The following GABBR2 variants were observed in gnomAD, a reference collection of about 807,000 sequenced individuals.
The protein encoded by GABBR2 is G-protein coupled receptor 51.
Under a neutral mutation model 105.6 loss-of-function variants are expected in GABBR2, and 23 were observed. The observed-to-expected ratio is 0.22, with a 90% CI of 0.16 to 0.31. The LOEUF (loss-of-function observed/expected upper bound fraction) is 0.31. GABBR2 is among the 10% of genes least tolerant of loss of function. The pLI is 1.00. For missense variants in GABBR2, 734 were observed against 1,245.5 expected, an observed-to-expected ratio of 0.59 and a Z score of 6.18; for synonymous variants, 478 against 499.7, an observed-to-expected ratio of 0.96 and a Z score of 0.58.
intron 1 of GABBR2, among the ~76,000 whole-genome samples, chr9:98,675,076 T>G (rs1278986959): frequency 6.6e-6 from 1 of 152,116 alleles, no homozygotes; most frequent in Non-Finnish European, 1.5e-5. Context: ...TTAGAGGGTC[T>G]AGGGAAGAGG....
intron 16 of GABBR2, among the ~76,000 whole-genome samples, chr9:98,302,482 G>A (rs1037131797): frequency 6.6e-6 from 1 of 152,180 alleles, no homozygotes; most frequent in African/African-American, 2.4e-5. Flanking sequence ...TAGGTAAAAG[G>A]GAAATAAACA....
At chr9:98,396,477 C>T (rs780222918) in intron 8 of GABBR2, among the ~76,000 whole-genome samples, 1 of 152,190 alleles carries the variant, frequency 6.6e-6, no homozygotes, top group Non-Finnish European at 1.5e-5. Flanking sequence ...GTGGTGGAAA[C>T]AGGGGCTGTA....
chr9:98,505,921 C>A (rs1030717843), intron 3 of GABBR2, among the ~76,000 whole-genome samples: 1 of 152,124 alleles, frequency 6.6e-6, no homozygotes. Context: ...CGATTTGTTT[C>A]GGCAGCCACA....
intron 3 of GABBR2, among the ~76,000 whole-genome samples, chr9:98,514,538 C>G (rs1016837589): frequency 2.7e-5 from 4 of 150,232 alleles, no homozygotes; most frequent in African/African-American, 7.4e-5. Context: ...TCTCAGCAAA[C>G]TATCGCAAGG....
chr9:98,456,805 A>G (rs1826332496), intron 6 of GABBR2, among the ~76,000 whole-genome samples: 1 of 152,244 alleles, frequency 6.6e-6, no homozygotes, highest in Non-Finnish European at 1.5e-5. Flanking sequence ...TTAAGAAAAA[A>G]GTATTCTTTT....
chr9:98,478,108 G>A (rs1475643316), intron 5 of GABBR2, among the ~76,000 whole-genome samples: 1 of 152,202 alleles, frequency 6.6e-6, no homozygotes, highest in African/African-American at 2.4e-5. Context: ...ATTTGCCACA[G>A]GGCTATAAAT....
chr9:98,385,457 T>C (rs949603452), intron 11 of GABBR2, among the ~76,000 whole-genome samples, 183 bp downstream of exon 11: 8 of 152,160 alleles, frequency 5.3e-5, no homozygotes, highest in Non-Finnish European at 1.2e-4. Context: ...GTGGTATTTA[T>C]ACCCAGTGAT....
intron 8 of GABBR2, among the ~76,000 whole-genome samples, chr9:98,400,062 G>A (rs183955553): frequency 2.1e-4 from 32 of 150,902 alleles, no homozygotes; most frequent in Admixed American, 4.0e-4. Flanking sequence ...GTGCACGCCT[G>A]TAGTTCAGCT....
chr9:98,579,938 G>T (rs538617753), intron 1 of GABBR2, among the ~76,000 whole-genome samples: 47 of 152,120 alleles, frequency 3.1e-4, no homozygotes, highest in South Asian at 2.1e-3. Context: ...TGACCCTTAG[G>T]CAGGACTGTT....
chr9:98,611,906 C>T (rs148845881), intron 1 of GABBR2, among the ~76,000 whole-genome samples: 60 of 152,348 alleles, frequency 3.9e-4, no homozygotes, highest in Non-Finnish European at 1.6e-4. Flanking sequence ...GTGAGTTCAT[C>T]TCACAACACA....
At chr9:98,661,859 C>A (rs1450784633) in intron 1 of GABBR2, among the ~76,000 whole-genome samples, 1 of 152,178 alleles carries the variant, frequency 6.6e-6, no homozygotes, top group Non-Finnish European at 1.5e-5. Context: ...TAGGCCCCGT[C>A]CCTCAGAGCA....
In GABBR2 at chr9:98,290,681, A is replaced by C; in HGVS notation, c.2729T>G (p.Val910Gly). Residue 910 changes from valine to glycine, a missense_variant, in exon 19 of 19, where the codon GTG becomes GGG. By Grantham distance (109) the Val-to-Gly change is moderately radical. This residue lies in a region of GABBR2 where 134 missense variants were observed against 171.2 expected (regional missense o/e 0.78). Transcript: ENST00000259455. The part of the protein sequence containing the change: ...HHAYLPSIGG[V>G]DASCVSPCVS... ...GCAGGGGCTGACACAGCTGGCGTCC[A>C]CGCCTCCGATGGATGGGAGGTAGGC... is the stretch of plus-strand genomic sequence containing the variant. 1 of 1,478,564 alleles carries C rather than the reference A, an allele frequency of 6.8e-7. No individual in the cohort carries two copies. Among genetic ancestry groups the C allele is most frequent in the South Asian group, 1.5e-5 (1 of 66,824 alleles). The allele number at this position is 1,478,564 out of a possible 1,614,324, so 91.6% of individuals were successfully genotyped here. A position where few individuals can be genotyped will look rare whatever the true frequency, so the allele number is the denominator to read the frequency against.
chr9:98,694,778 A>G (rs575493201), intron 1 of GABBR2, among the ~76,000 whole-genome samples: 1 of 152,316 alleles, frequency 6.6e-6, no homozygotes, highest in East Asian at 1.9e-4. Context: ...TAATAACTCT[A>G]TGAAAAAGCA....
intron 7 of GABBR2, among the ~76,000 whole-genome samples, chr9:98,442,888 C>A (rs1170878821): frequency 1.3e-5 from 2 of 152,190 alleles, no homozygotes; most frequent in Non-Finnish European, 2.9e-5. Flanking sequence ...TTCAAATCTC[C>A]CCTTTTTATA....
intron 1 of GABBR2, among the ~76,000 whole-genome samples, chr9:98,632,813 T>C (rs559455370): frequency 3.9e-5 from 6 of 152,316 alleles, no homozygotes; most frequent in Admixed American, 1.3e-4. Context: ...AAATGGTTGC[T>C]TTTACCACTA....
At chr9:98,552,713 T>C (rs2131750898) in intron 2 of GABBR2, among the ~76,000 whole-genome samples, 1 of 152,296 alleles carries the variant, frequency 6.6e-6, no homozygotes, top group South Asian at 2.1e-4. Context: ...TGGGGTATCG[T>C]GCATAGACTG....
At chr9:98,310,759 C>T (rs1037784038) in intron 14 of GABBR2, among the ~76,000 whole-genome samples, 1 of 152,182 alleles carries the variant, frequency 6.6e-6, no homozygotes, top group Non-Finnish European at 1.5e-5. Context: ...CGGCAGACTG[C>T]TCTTCCTGGG....
chr9:98,563,423 T>C (rs1056985758), intron 2 of GABBR2, among the ~76,000 whole-genome samples: 3 of 152,178 alleles, frequency 2.0e-5, no homozygotes, highest in Admixed American at 2.0e-4. Context: ...TACGGACGCA[T>C]CCACCGGAGG....
Position 98,391,541 on chromosome 9 carries a change from C to T in GABBR2, c.1379-2537G>A, listed in dbSNP as rs150111081. On this transcript the variant is annotated intron_variant, in intron 9 of 18. Transcript: ENST00000259455. ...GGGAGCAGAGTGCAGTCCTGCCTGA[C>T]GGGGTAAGGAAATGCTACAGAAAGG... Among the ~76,000 whole-genome samples, 606 of 152,146 alleles carry T rather than the reference C, an allele frequency of 4.0e-3. 1 individual carries two copies. Among genetic ancestry groups the T allele is most frequent in the Non-Finnish European group, 7.1e-3 (485 of 68,024 alleles).
Sources: gnomAD v4.1 joint callset for allele counts (sites outside exome capture counted in the v4.1 genomes callset) on GRCh38, gnomAD v4.1.1 for gene constraint, gnomAD v4.1.1 regional missense constraint, MANE v1.5 for transcripts, NCBI Gene and HGNC (gene_info 2026-07-23, HGNC 2026-07-21) for gene names.